Variants in GPR89B observed in about 807,000 individuals in gnomAD.
GPR89B encodes the protein golgi pH regulator B, also known as G protein-coupled receptor 89B.
Under a neutral mutation model 52.4 loss-of-function variants are expected in GPR89B, and 25 were observed. The ratio of observed to expected loss-of-function variants is 0.48; its 90% CI spans 0.35 to 0.67. GPR89B has a LOEUF of 0.67. Ranked by LOEUF, GPR89B falls within the 30% of genes least tolerant of loss-of-function variation. The probability of loss-of-function intolerance (pLI) is 0.01; values close to 1 mark genes in which losing one functional copy is unlikely to be tolerated. For missense variants in GPR89B, 146 were observed against 450.2 expected (o/e 0.32, Z 6.11); for synonymous variants, 52 against 151.2 (o/e 0.34, Z 4.81).
the GPR89B span, among the ~76,000 whole-genome samples, chr1:148,023,443 C>G: frequency 1.4e-5 from 2 of 144,046 alleles, no homozygotes; most frequent in Non-Finnish European, 3.0e-5. Flanking sequence ...GATTTACATT[C>G]CTTTGGGTAT....
In GPR89B at chr1:147,986,191, C is replaced by T. The variant is rs1225846965; in HGVS notation, c.910-8C>T. The T allele has an allele frequency of 8.7e-6, 14 of 1,610,512 alleles. No individual in the cohort carries two copies. The highest frequency in any genetic ancestry group is 8.4e-5 in the Admixed American group (5 of 59,790). ...GATGCTCCAAGGTAAAAATCTGCAT[C>T]TTTGCAGGCTACCATCAATATTGTT... is the stretch of plus-strand genomic sequence containing the variant. On this transcript the variant is annotated splice_polypyrimidine_tract_variant and splice_region_variant and intron_variant, in intron 10 of 13. Transcript: ENST00000314163.
chr1:148,004,510 T>TACCC, the GPR89B span, among the ~76,000 whole-genome samples: 28 of 127,012 alleles, frequency 2.2e-4, no homozygotes, highest in African/African-American at 7.9e-4. Context: ...AAGTATGACC[T>TACCC]ACCCACATAG....
At chr1:147,947,263 AG>A (rs1448659282) in intron 5 of GPR89B, among the ~76,000 whole-genome samples, 2 of 151,324 alleles carry the variant, frequency 1.3e-5, no homozygotes, top group Non-Finnish European at 2.9e-5. Flanking sequence ...GCTTAAACCC[AG>A]GAGGCTGAGG....
chr1:147,995,530 T>C, downstream of GPR89B: 5 of 1,535,054 alleles, frequency 3.3e-6, no homozygotes, highest in Non-Finnish European at 3.6e-6. Context: ...ACATTAAATA[T>C]ACTCATAGGG....
In GPR89B at chr1:147,932,699, C is replaced by G. The variant is rs587711670; in HGVS notation, c.43-3928C>G. 1.9e-3 allele frequency among the ~76,000 whole-genome samples: 293 copies of G among 152,242 alleles called. 2 individuals carry two copies. The highest frequency in any genetic ancestry group is 3.8e-3 in the Admixed American group (58 of 15,300). On this transcript the variant is annotated intron_variant, in intron 1 of 13. Coordinates refer to ENST00000314163, the MANE Select transcript of GPR89B (RefSeq NM_016334.5). The stretch of plus-strand genomic sequence containing the variant: ...TTTAATCTAAAAGGTTATCTGTGTT[C>G]ACAACCATTCTTACCTCCTTTCCTC...
chr1:148,004,777 T>C, the GPR89B span, among the ~76,000 whole-genome samples: 1 of 22,180 alleles, frequency 4.5e-5, no homozygotes, highest in African/African-American at 1.7e-4. Flanking sequence ...GAGGGCGCAG[T>C]GGCACACGCC....
chr1:147,950,153 C>T (rs1156432038), intron 5 of GPR89B, among the ~76,000 whole-genome samples: 1 of 145,204 alleles, frequency 6.9e-6, no homozygotes, highest in South Asian at 2.2e-4. Context: ...GGCTGCCGGG[C>T]GGAGGGGCTC....
intron 8 of GPR89B, chr1:147,968,581 A>T: frequency 2.0e-6 from 1 of 494,898 alleles, no homozygotes; most frequent in South Asian, 2.1e-5. Flanking sequence ...ATTTGACTTA[A>T]TCTAACTAGA....
Position 147,932,216 on chromosome 1 carries a change from G to A in GPR89B, c.42+3638G>A, listed in dbSNP as rs28706767. Among the ~76,000 whole-genome samples, 1,464 of 151,534 alleles carry A rather than the reference G, an allele frequency of 9.7e-3. 34 individuals are homozygous for A. The highest frequency in any genetic ancestry group is 0.084 in the East Asian group (429 of 5,134). ...CTCTGAATTTACATCTGTCTCCACC[G>A]GTAAATATTTATAATAGCCAAAGGA... is the stretch of plus-strand genomic sequence containing the variant. On this transcript the variant is annotated intron_variant, in intron 1 of 13. Coordinates refer to ENST00000314163, the MANE Select transcript of GPR89B (RefSeq NM_016334.5).
chr1:147,981,723 G>A (rs1189001740), intron 10 of GPR89B, among the ~76,000 whole-genome samples: 2 of 151,828 alleles, frequency 1.3e-5, no homozygotes, highest in Non-Finnish European at 2.9e-5. Flanking sequence ...GGTGATCTCA[G>A]CTCACTTCGA....
At chr1:148,017,606 C>T in the GPR89B span, among the ~76,000 whole-genome samples, 18 of 149,668 alleles carry the variant, frequency 1.2e-4, no homozygotes, top group East Asian at 1.6e-3. Context: ...GGCGTGGTGG[C>T]GGGCACCTGT....
chr1:147,939,863 G>A (rs1473809461), intron 3 of GPR89B, among the ~76,000 whole-genome samples: 2 of 151,290 alleles, frequency 1.3e-5, no homozygotes, highest in African/African-American at 2.4e-5. Flanking sequence ...AGCAGAGTGT[G>A]GTAGTACACG....
At chr1:147,965,901 C>T (rs1656998088) in intron 7 of GPR89B, among the ~76,000 whole-genome samples, 1 of 151,830 alleles carries the variant, frequency 6.6e-6, no homozygotes, top group Non-Finnish European at 1.5e-5. Flanking sequence ...GGCTGGCGTG[C>T]AGTGGCGTGA....
intron 1 of GPR89B, among the ~76,000 whole-genome samples, chr1:147,932,749 T>C (rs1469804852): frequency 1.3e-5 from 2 of 152,184 alleles, no homozygotes; most frequent in African/African-American, 4.8e-5. Flanking sequence ...GGGGTTCCCC[T>C]ACTCCGGTTT....
At chr1:148,004,196 G>A in the GPR89B span, among the ~76,000 whole-genome samples, 4 of 143,988 alleles carry the variant, frequency 2.8e-5, no homozygotes, top group South Asian at 2.4e-4. Context: ...TCACTCTTTC[G>A]CCCAGGCTGG....
chr1:148,017,145 G>A, the GPR89B span, among the ~76,000 whole-genome samples: 1 of 151,652 alleles, frequency 6.6e-6, no homozygotes, highest in African/African-American at 2.4e-5. Context: ...GGGTTCAAGC[G>A]ATTCTCCTGC....
In GPR89B at chr1:147,962,253, G is replaced by A. The variant is rs1384703251; in HGVS notation, c.618-4301G>A. 2.0e-5 allele frequency among the ~76,000 whole-genome samples: 3 copies of A among 150,590 alleles called. No homozygotes were observed. The South Asian group carries it at 6.3e-4, about 31-fold the overall frequency. ...ATCCTGACCAATATGGCGAAACCCC[G>A]TCTCTACTAAAAATACAAAAATTAG... is the stretch of plus-strand genomic sequence containing the variant. On this transcript the variant is annotated intron_variant, in intron 7 of 13. Coordinates refer to ENST00000314163, the MANE Select transcript of GPR89B (RefSeq NM_016334.5).
chr1:148,004,353 G>A, the GPR89B span, among the ~76,000 whole-genome samples: 4 of 150,162 alleles, frequency 2.7e-5, no homozygotes, highest in Non-Finnish European at 4.4e-5. Context: ...TTTTAGTAGA[G>A]ACGGTGTTTC....
chr1:147,951,572 A>G lies in GPR89B; in HGVS notation c.416-1773A>G, dbSNP rs587747858. Among the ~76,000 whole-genome samples the G allele has an allele frequency of 5.3e-5, 8 of 152,086 alleles. No homozygotes were observed. The South Asian group carries it at 1.5e-3, about 28-fold the overall frequency. On this transcript the variant is annotated intron_variant, in intron 5 of 13. Transcript: ENST00000314163. ...TCTCTTAGAAAAGAGAATTGAAACT[A>G]AAGAGAAAGAACTAGCAAAGAAGGA...
Sources: gnomAD v4.1 joint callset for allele counts (sites outside exome capture counted in the v4.1 genomes callset) on GRCh38, gnomAD v4.1.1 for gene constraint, MANE v1.5 for transcripts, NCBI Gene and HGNC (gene_info 2026-07-23, HGNC 2026-07-21) for gene names.